DLG5: variants seen among roughly 807,000 people sequenced by gnomAD.
DLG5 encodes the protein discs large MAGUK scaffold protein 5.
In DLG5, 48 loss-of-function variants were observed where a neutral mutation model predicts 189.8. The ratio of observed to expected loss-of-function variants is 0.25; its 90% CI spans 0.20 to 0.32. The LOEUF is 0.32. Among genes scored for constraint, DLG5 ranks in the 10% least tolerant of loss-of-function variants. The pLI is 1.00. For synonymous variants in DLG5, 1,016 were observed against 1,054.1 expected, an observed-to-expected ratio of 0.96 and a Z score of 0.70; for missense variants, 2,160 against 2,544.7, an observed-to-expected ratio of 0.85 and a Z score of 3.25.
At chr10:77,902,343 A>T (rs550267609) in intron 1 of DLG5, among the ~76,000 whole-genome samples, 1 of 152,242 alleles carries the variant, frequency 6.6e-6, no homozygotes, top group Admixed American at 6.5e-5. Context: ...GTTTCAGCCC[A>T]GCAATTTGTA....
chr10:77,796,599 G>A lies in DLG5; in HGVS notation c.5165-5C>T. 1.2e-6 allele frequency: 2 copies of A among 1,613,760 alleles called. No homozygotes were observed. The highest frequency in any genetic ancestry group is 1.7e-6 in the Non-Finnish European group (2 of 1,179,818). ...GATAGGCCAGGCTCACCGAATCTGA[G>A]GGAGAGAGAGCAGCAGCGTCACGGA... On this transcript the variant is annotated splice_region_variant and splice_polypyrimidine_tract_variant and intron_variant, in intron 27 of 31. Coordinates refer to ENST00000372391, the MANE Select transcript of DLG5 (RefSeq NM_004747.4). The surrounding 1 kb of genome is among the most constrained non-coding windows in gnomAD (Gnocchi z 5.2).
rs1336878486 is a variant in DLG5, at chr10:77,812,296, C to T, written c.4107G>A (p.Lys1369=). ...PLGISIVSGE[K]GGIYVSKVTV... is the part of the protein sequence containing the mutation. Reference sequence around the variant, plus strand: ...TCACCTTGGAGACGTAGATGCCGCCCTTCTCTCCACTCACGATGGAGATGC... The same window carrying T: ...TCACCTTGGAGACGTAGATGCCGCCTTTCTCTCCACTCACGATGGAGATGC... The change falls in exon 21 of 32, where the codon AAG becomes AAA. Residue 1369 remains lysine (K), a synonymous_variant. Transcript: ENST00000372391. 6.2e-7 allele frequency: 1 copy of T among 1,614,102 alleles called. No homozygotes were observed. The highest frequency in any genetic ancestry group is 8.5e-7 in the Non-Finnish European group (1 of 1,180,048).
chr10:77,939,118 T>G, the DLG5 span, among the ~76,000 whole-genome samples: 1 of 152,180 alleles, frequency 6.6e-6, no homozygotes, highest in Non-Finnish European at 1.5e-5. Flanking sequence ...AGGCAGAGGT[T>G]GCAGTGAGCT....
At position 77,846,020 on chromosome 10, in the gene DLG5, G is replaced by A. The variant is rs986611910; in HGVS notation, c.865-2314C>T. Among the ~76,000 whole-genome samples, 39 of 150,448 alleles carry A rather than the reference G, an allele frequency of 2.6e-4. No individual in the cohort carries two copies. In the Middle Eastern group the frequency reaches 0.01, roughly 40 times the overall value. ...AGCACTTTGGGAAGCCGAGGTAGGC[G>A]GATCACCTGAGGTCAGGAGTTTGAG... On this transcript the variant is annotated intron_variant, in intron 5 of 31. Coordinates refer to ENST00000372391, the MANE Select transcript of DLG5 (RefSeq NM_004747.4).
intron 11 of DLG5, 79 bp from the exon 12 acceptor site, chr10:77,829,609 G>C (rs972903792): frequency 6.7e-7 from 1 of 1,494,070 alleles, no homozygotes; most frequent in Non-Finnish European, 9.0e-7. Flanking sequence ...TCACTCAGGG[G>C]GCTGACTGCC....
intron 13 of DLG5, among the ~76,000 whole-genome samples, chr10:77,828,624 CAG>C (rs1453156740): frequency 6.6e-6 from 1 of 151,608 alleles, no homozygotes; most frequent in Admixed American, 6.6e-5. Flanking sequence ...GCCTGAGGGA[CAG>C]AGAGAGATAG....
chr10:77,804,165 T>TA, intron 27 of DLG5, among the ~76,000 whole-genome samples: 1 of 152,312 alleles, frequency 6.6e-6, no homozygotes, highest in Middle Eastern at 3.4e-3. Flanking sequence ...GTGCTGGGAT[T>TA]ACAGGCATGC....
intron 1 of DLG5, among the ~76,000 whole-genome samples, chr10:77,922,526 G>A (rs935321505): frequency 1.8e-4 from 27 of 152,250 alleles, no homozygotes; most frequent in Non-Finnish European, 3.8e-4. Context: ...TAATTTCAGA[G>A]TCCCACAGTG....
chr10:77,892,028 A>G (rs1845625471), intron 1 of DLG5, among the ~76,000 whole-genome samples: 2 of 152,122 alleles, frequency 1.3e-5, no homozygotes, highest in South Asian at 2.1e-4. Context: ...TGCCCTCATC[A>G]TCTGCATTTA....
chr10:77,843,482 G>T lies in DLG5; in HGVS notation c.1089C>A (p.Ile363=). Residue 363 remains isoleucine, a synonymous_variant, in exon 6 of 32, where the codon ATC becomes ATA. Coordinates refer to ENST00000372391, the MANE Select transcript of DLG5 (RefSeq NM_004747.4). The part of the protein sequence containing the change: ...EMLTQQRDTA[I]QLQHQCALSL... ...AGAGGGCGCACTGGTGCTGCAGCTG[G>T]ATGGCCGTGTCCCTCTGCTGGGTCA... 1 of 1,614,058 alleles carries T rather than the reference G, an allele frequency of 6.2e-7. No homozygotes were observed. Among genetic ancestry groups the T allele is most frequent in the Non-Finnish European group, 8.5e-7 (1 of 1,180,048 alleles).
rs145329717 is a variant in DLG5, at chr10:77,811,956, G to A, written c.4290C>T (p.His1430=). 110 of 1,608,926 alleles carry A rather than the reference G, an allele frequency of 6.8e-5. 1 individual carries two copies. The African/African-American group carries it at 7.7e-4, about 11-fold the overall frequency. Residue 1430 remains histidine, a synonymous_variant, in exon 22 of 32, where the codon CAC becomes CAT. Coordinates refer to ENST00000372391, the MANE Select transcript of DLG5 (RefSeq NM_004747.4). ...GGGAGTGGCTGCTGAGCTGGTGCACGTGGGGGTTGTACTGGGCCAGGATGG... is the reference window on the plus strand; with the variant it reads ...GGGAGTGGCTGCTGAGCTGGTGCACATGGGGGTTGTACTGGGCCAGGATGG... ...TITILAQYNP[H]VHQLSSHSRS...
At chr10:77,920,298 C>A (rs1436412493) in intron 1 of DLG5, among the ~76,000 whole-genome samples, 1 of 152,176 alleles carries the variant, frequency 6.6e-6, no homozygotes, top group Non-Finnish European at 1.5e-5. Flanking sequence ...AGGAGATAAG[C>A]TCAGAAGGGT....
intron 23 of DLG5, among the ~76,000 whole-genome samples, chr10:77,809,951 G>C (rs916804466): frequency 6.6e-6 from 1 of 152,136 alleles, no homozygotes; most frequent in Non-Finnish European, 1.5e-5. Flanking sequence ...GCCAGTTAGC[G>C]GGGGCAGTCA....
At chr10:77,816,315 A>T (rs1842047652) in intron 20 of DLG5, 1 of 708,394 alleles carries the variant, frequency 1.4e-6, no homozygotes, top group Non-Finnish European at 2.5e-6. Flanking sequence ...CCGTCAGGTC[A>T]TTTCCAGCAT....
intron 27 of DLG5, among the ~76,000 whole-genome samples, chr10:77,799,913 T>C (rs1841114449): frequency 6.6e-6 from 1 of 152,086 alleles, no homozygotes; most frequent in Non-Finnish European, 1.5e-5. Flanking sequence ...GCCTGGCCTG[T>C]GGTATTTGGT....
At chr10:77,807,144 G>A (rs1290592579) in intron 25 of DLG5, among the ~76,000 whole-genome samples, 9 of 152,134 alleles carry the variant, frequency 5.9e-5, no homozygotes, top group Admixed American at 3.9e-4. Flanking sequence ...CACTGAGGGC[G>A]CATCCCCATC....
intron 20 of DLG5, among the ~76,000 whole-genome samples, chr10:77,813,109 A>C (rs1841864675): frequency 6.6e-6 from 1 of 152,260 alleles, no homozygotes; most frequent in Non-Finnish European, 1.5e-5. Context: ...TCAGAGGAGA[A>C]AGACAATCAG....
chr10:77,849,831 GCTT>G (rs779980437), intron 5 of DLG5, among the ~76,000 whole-genome samples: 7 of 152,208 alleles, frequency 4.6e-5, no homozygotes, highest in Non-Finnish European at 5.9e-5. Flanking sequence ...GAAACTTTAC[GCTT>G]CTTGAGGGCA....
Position 77,842,246 on chromosome 10 carries a change from T to C in DLG5, c.1125-53A>G. On this transcript the variant is annotated intron_variant, in intron 6 of 31. Transcript: ENST00000372391. ...AAGGGCGGGGGCCCTGCCCGGTCAGTGGCCGGCTGCGCTGCTGCCTCCCGC... is the reference window on the plus strand; with the variant it reads ...AAGGGCGGGGGCCCTGCCCGGTCAGCGGCCGGCTGCGCTGCTGCCTCCCGC... 4 of 1,564,084 alleles carry C rather than the reference T, an allele frequency of 2.6e-6. No homozygotes were observed. In the South Asian group the frequency reaches 3.5e-5, roughly 14 times the overall value.
Sources: allele counts gnomAD v4.1 joint callset (sites outside exome capture counted in the v4.1 genomes callset), GRCh38; gene constraint gnomAD v4.1.1; non-coding constraint Gnocchi (gnomAD v3.1); transcripts MANE v1.5; gene names NCBI Gene and HGNC (gene_info 2026-07-23, HGNC 2026-07-21).